Variants in DIAPH2 observed in about 807,000 individuals in gnomAD.
The protein encoded by DIAPH2 is protein diaphanous homolog 2.
Under a neutral mutation model 92.7 loss-of-function variants are expected in DIAPH2, and 35 were observed. The ratio of observed to expected loss-of-function variants is 0.38; its 90% CI spans 0.29 to 0.50. DIAPH2 has a LOEUF of 0.50. DIAPH2 is among the 20% of genes least tolerant of loss of function. The pLI is 0.94. For missense variants in DIAPH2, 701 were observed against 819.5 expected, an observed-to-expected ratio of 0.86 and a Z score of 1.77; for synonymous variants, 301 against 280.4, an observed-to-expected ratio of 1.07 and a Z score of -0.73.
chrX:97,498,893 C>T (rs2070777210), intron 26 of DIAPH2, among the ~76,000 whole-genome samples: 1 of 111,001 alleles, frequency 9.0e-6, no homozygotes, highest in African/African-American at 3.3e-5. Flanking sequence ...TATAGTGAAC[C>T]CCCAGAGAAG....
At chrX:97,511,951 G>A (rs1414975964) in intron 26 of DIAPH2, among the ~76,000 whole-genome samples, 4 of 113,384 alleles carry the variant, frequency 3.5e-5, no homozygotes. Context: ...GTTCATCAAG[G>A]ATTTTGGTCT....
intron 4 of DIAPH2, among the ~76,000 whole-genome samples, chrX:96,858,355 C>T (rs2065052980): frequency 8.9e-6 from 1 of 111,771 alleles, no homozygotes; most frequent in African/African-American, 3.2e-5. Flanking sequence ...TTGAACCTTC[C>T]ATGTGGCATG....
chrX:97,301,575 C>T (rs937459742), intron 23 of DIAPH2, among the ~76,000 whole-genome samples: 1 of 111,549 alleles, frequency 9.0e-6, no homozygotes. Flanking sequence ...ATTAAGGGCA[C>T]TTTAAAGTTT....
At chrX:97,197,546 A>G (rs1483991352) in intron 22 of DIAPH2, among the ~76,000 whole-genome samples, 3 of 112,167 alleles carry the variant, frequency 2.7e-5, no homozygotes. Flanking sequence ...ACATCTAACA[A>G]TCGATCACAT....
intron 5 of DIAPH2, among the ~76,000 whole-genome samples, chrX:96,888,470 A>T (rs915741991): frequency 7.6e-5 from 8 of 104,656 alleles, no homozygotes; most frequent in African/African-American, 2.4e-4. Flanking sequence ...TGTGTTTTTT[A>T]TATATATATA....
intron 26 of DIAPH2, among the ~76,000 whole-genome samples, chrX:97,438,348 T>TG (rs2070212168): frequency 2.7e-5 from 2 of 72,780 alleles, no homozygotes; most frequent in African/African-American, 1.0e-4. Flanking sequence ...GTTTTTTTTT[T>TG]TTGTTTGTTT....
At position 96,976,673 on chromosome X, in the gene DIAPH2, TAGAG is replaced by T. The variant is rs781203889; in HGVS notation, c.2050+11470_2050+11473del. On this transcript the variant is annotated intron_variant, in intron 17 of 26. Transcript: ENST00000324765. ...TTGTTTAAGTATAAGTCACCAATTG[TAGAG>T]AGAAAGAGAGTATCTTCTGCCTTCT... Among the ~76,000 whole-genome samples, 14 of 110,991 alleles carry T rather than the reference TAGAG, an allele frequency of 1.3e-4. No homozygotes were observed. In the East Asian group the frequency reaches 3.7e-3, roughly 29 times the overall value.
chrX:96,703,129 G>A (rs1368401487), intron 1 of DIAPH2, among the ~76,000 whole-genome samples: 1 of 111,798 alleles, frequency 8.9e-6, no homozygotes, highest in East Asian at 2.8e-4. Flanking sequence ...TGAGAGTGGT[G>A]GAGGTCAGTC....
At chrX:96,835,094 C>T (rs2064878504) in intron 4 of DIAPH2, among the ~76,000 whole-genome samples, 1 of 111,088 alleles carries the variant, frequency 9.0e-6, no homozygotes, top group South Asian at 3.9e-4. Context: ...TTTGACCTGC[C>T]GAGAGAGGTT....
intron 22 of DIAPH2, among the ~76,000 whole-genome samples, chrX:97,210,448 T>C (rs1225532395): frequency 1.8e-5 from 2 of 111,795 alleles, no homozygotes; most frequent in African/African-American, 6.5e-5. Flanking sequence ...GTTAAGTACA[T>C]ACCCGAAGCT....
intron 24 of DIAPH2, among the ~76,000 whole-genome samples, chrX:97,383,603 C>T (rs1388705629): frequency 9.6e-6 from 1 of 104,634 alleles, no homozygotes; most frequent in African/African-American, 3.5e-5. Flanking sequence ...TTTCTGGCAC[C>T]CTAGATAATG....
intron 23 of DIAPH2, among the ~76,000 whole-genome samples, chrX:97,263,897 G>GTTTT (rs1556013120): frequency 3.0e-5 from 2 of 66,721 alleles, no homozygotes; most frequent in African/African-American, 9.1e-5. Flanking sequence ...CCAACTGTTA[G>GTTTT]TTTTTTATTT....
At chrX:97,057,504 CT>C (rs2066565374) in intron 17 of DIAPH2, among the ~76,000 whole-genome samples, 1 of 111,659 alleles carries the variant, frequency 9.0e-6, no homozygotes, top group Admixed American at 9.5e-5. Context: ...ACTGGTCTGT[CT>C]GTACTTGGTG....
chrX:97,326,356 C>A (rs184938203), intron 23 of DIAPH2, among the ~76,000 whole-genome samples: 3 of 111,667 alleles, frequency 2.7e-5, no homozygotes, highest in African/African-American at 9.8e-5. Flanking sequence ...ACAAGGAATG[C>A]GACCGCCATA....
rs1332024432 is a variant in DIAPH2 at position 96,751,647 on chromosome X, G to GTT, written c.343-6504_343-6503dup. Among the ~76,000 whole-genome samples the GTT allele has an allele frequency of 1.8e-4, 15 of 85,006 alleles. 1 individual carries two copies. The highest frequency in any genetic ancestry group is 6.2e-4 in the South Asian group (1 of 1,601). The allele number at this position is 85,006 out of a possible 115,157, so 73.8% of individuals were successfully genotyped here. A position where few individuals can be genotyped will look rare whatever the true frequency, so the allele number is the denominator to read the frequency against. On this transcript the variant is annotated intron_variant, in intron 3 of 26. Transcript: ENST00000324765. ...TATAAATGGTCAACTAGACTTCAGT[G>GTT]TTTTGTTTTTTTTTTTTTTTTTTTG...
chrX:97,130,052 A>G (rs7050241), intron 21 of DIAPH2, among the ~76,000 whole-genome samples: 3,593 of 111,982 alleles, frequency 0.032, 151 homozygotes, highest in African/African-American at 0.11. Flanking sequence ...CAAAACCACA[A>G]TGAAATACCA....
chrX:96,977,030 TTCTTAA>T (rs1039841307), intron 17 of DIAPH2, among the ~76,000 whole-genome samples: 2 of 111,448 alleles, frequency 1.8e-5, no homozygotes, highest in Non-Finnish European at 3.8e-5. Flanking sequence ...CCCAAGTTTG[TTCTTAA>T]TCTTAATCAC....
intron 4 of DIAPH2, among the ~76,000 whole-genome samples, chrX:96,829,435 A>G (rs1410912871): frequency 1.7e-5 from 1 of 58,242 alleles, no homozygotes; most frequent in Non-Finnish European, 2.7e-5. Flanking sequence ...ATTTACATAT[A>G]TATATGTATA....
At chrX:97,366,717 T>C (rs1375055227) in intron 24 of DIAPH2, among the ~76,000 whole-genome samples, 1 of 111,874 alleles carries the variant, frequency 8.9e-6, no homozygotes, top group East Asian at 2.8e-4. Flanking sequence ...TTTCTCTAAG[T>C]CTTACTAGCT....
Sources: allele counts gnomAD v4.1 joint callset (sites outside exome capture counted in the v4.1 genomes callset), GRCh38; gene constraint gnomAD v4.1.1; transcripts MANE v1.5; gene names NCBI Gene and HGNC (gene_info 2026-07-23, HGNC 2026-07-21).